The following SARNP variants were observed in gnomAD, a reference collection of about 807,000 sequenced individuals.
The protein encoded by SARNP is SAP domain-containing ribonucleoprotein.
In SARNP, 5 loss-of-function variants were observed where a neutral mutation model predicts 38.1. That is an observed-to-expected ratio of 0.13 (90% confidence interval 0.07 to 0.28). SARNP has a LOEUF of 0.28. SARNP is among the 10% of genes least tolerant of loss of function. SARNP has a pLI of 1.00. For missense variants in SARNP, 180 were observed against 243.9 expected, an observed-to-expected ratio of 0.74 and a Z score of 1.75; for synonymous variants, 84 against 80.6, an observed-to-expected ratio of 1.04 and a Z score of -0.23.
chr12:55,809,813 T>C (rs1880272460), intron 1 of SARNP, among the ~76,000 whole-genome samples: 1 of 150,788 alleles, frequency 6.6e-6, no homozygotes, highest in South Asian at 2.1e-4. Context: ...ATGTAAAAAA[T>C]AATACACACA....
chr12:55,806,362 C>T (rs1339001603), intron 1 of SARNP, among the ~76,000 whole-genome samples: 1 of 151,180 alleles, frequency 6.6e-6, no homozygotes, highest in Non-Finnish European at 1.5e-5. Context: ...GCAACCTCTG[C>T]GTTCCAGGTT....
intron 9 of SARNP, among the ~76,000 whole-genome samples, chr12:55,785,888 C>A (rs1879478823): frequency 6.6e-6 from 1 of 152,110 alleles, no homozygotes; most frequent in African/African-American, 2.4e-5. Flanking sequence ...GTCCTCCCAC[C>A]TCAGCCTCCC....
At chr12:55,758,962 G>T (rs2950167) in intron 10 of SARNP, among the ~76,000 whole-genome samples, 150,499 of 150,500 alleles carry the variant, frequency 1, 75,249 homozygotes, top group Non-Finnish European at 1. Context: ...TGGAGTACAG[G>T]GGTGCCATCT....
At chr12:55,772,168 G>T (rs540964136) in intron 9 of SARNP, among the ~76,000 whole-genome samples, 1 of 152,078 alleles carries the variant, frequency 6.6e-6, no homozygotes, top group Non-Finnish European at 1.5e-5. Flanking sequence ...CAAGTACACC[G>T]CCTTAGCAAA....
chr12:55,806,158 A>C (rs1880134522), intron 1 of SARNP, among the ~76,000 whole-genome samples: 1 of 152,000 alleles, frequency 6.6e-6, no homozygotes, highest in Non-Finnish European at 1.5e-5. Context: ...CAGTTTTACT[A>C]CTTGTAACCT....
chr12:55,800,542 T>A lies in SARNP; in HGVS notation c.251+20A>T, dbSNP rs778729781. The A allele has an allele frequency of 3.9e-6, 6 of 1,527,432 alleles. No homozygotes were observed. In the Admixed American group the frequency reaches 1.1e-4, roughly 27 times the overall value. 94.6% of individuals were successfully genotyped at this position (1,527,432 alleles called of 1,614,324 possible). On this transcript the variant is annotated intron_variant, in intron 4 of 10. Transcript: ENST00000336133. ...AGAGCTGCCTGCTCTGTACTCAGATTATAAAAAAGGGATAATTACACATCA... is the reference window on the plus strand; with the variant it reads ...AGAGCTGCCTGCTCTGTACTCAGATAATAAAAAAGGGATAATTACACATCA...
At chr12:55,805,070 T>C (rs572783063) in intron 1 of SARNP, among the ~76,000 whole-genome samples, 1 of 151,260 alleles carries the variant, frequency 6.6e-6, no homozygotes, top group South Asian at 2.1e-4. Flanking sequence ...GAGACCATCC[T>C]GGCTAACACA....
chr12:55,790,433 T>G, intron 8 of SARNP, 134 bp downstream of exon 8: 1 of 995,822 alleles, frequency 1.0e-6, no homozygotes, highest in Non-Finnish European at 1.4e-6. Flanking sequence ...ATTCAAGACA[T>G]ACAACATTGT....
chr12:55,763,324 TC>T (rs200816343), intron 9 of SARNP, among the ~76,000 whole-genome samples: 2 of 148,518 alleles, frequency 1.3e-5, no homozygotes, highest in African/African-American at 4.9e-5. Context: ...TTTTTTTTTT[TC>T]CCCAGAGACA....
chr12:55,782,210 CA>C (rs1879359824), intron 9 of SARNP, among the ~76,000 whole-genome samples: 1 of 152,138 alleles, frequency 6.6e-6, no homozygotes, highest in African/African-American at 2.4e-5. Flanking sequence ...GTACTAAGGT[CA>C]ATAAGGATAT....
At chr12:55,783,184 C>A (rs1879389012) in intron 9 of SARNP, among the ~76,000 whole-genome samples, 1 of 151,990 alleles carries the variant, frequency 6.6e-6, no homozygotes, top group African/African-American at 2.4e-5. Flanking sequence ...AACACTACTC[C>A]TCTTGGGAGG....
At chr12:55,802,779 TA>T (rs1880019386) in intron 2 of SARNP, among the ~76,000 whole-genome samples, 1 of 151,574 alleles carries the variant, frequency 6.6e-6, no homozygotes, top group African/African-American at 2.4e-5. Context: ...GTATCACTTA[TA>T]GTAGCAGAGG....
intron 9 of SARNP, among the ~76,000 whole-genome samples, chr12:55,781,836 G>A (rs1016199275): frequency 3.3e-5 from 5 of 151,918 alleles, no homozygotes; most frequent in South Asian, 2.1e-4. Context: ...CCTTCCCCTC[G>A]GCCTTTCAAG....
At chr12:55,781,813 G>T (rs1383127560) in intron 9 of SARNP, among the ~76,000 whole-genome samples, 1 of 152,100 alleles carries the variant, frequency 6.6e-6, no homozygotes, top group East Asian at 1.9e-4. Context: ...TGACCTCCTG[G>T]ACTCAAGCAA....
chr12:55,787,366 A>G (rs1879530454), intron 9 of SARNP, among the ~76,000 whole-genome samples: 1 of 152,114 alleles, frequency 6.6e-6, no homozygotes, highest in African/African-American at 2.4e-5. Flanking sequence ...AAAATATATA[A>G]CCAATGTCAG....
intron 5 of SARNP, 36 bp downstream of exon 5, chr12:55,795,989 T>C (rs771472769): frequency 2.8e-6 from 4 of 1,422,646 alleles, no homozygotes; most frequent in East Asian, 4.6e-5. Flanking sequence ...GAGAGAGAAA[T>C]GTAGAGACTG....
rs1879814815 is a variant in SARNP, at chr12:55,796,153, C to T, written c.252-77G>A. 16 of 1,021,330 alleles carry T rather than the reference C, an allele frequency of 1.6e-5. No homozygotes were observed. The Admixed American group carries it at 2.7e-4, about 17-fold the overall frequency. The allele number at this position is 1,021,330 out of a possible 1,614,324, so 63.3% of individuals were successfully genotyped here. ...AACCTCAGAAATGTGTAAGAATTCACCTGAGTCACCATTCTCTGCCCTATT... is the reference window on the plus strand; with the variant it reads ...AACCTCAGAAATGTGTAAGAATTCATCTGAGTCACCATTCTCTGCCCTATT... On this transcript the variant is annotated intron_variant, in intron 4 of 10. Transcript: ENST00000336133.
intron 1 of SARNP, among the ~76,000 whole-genome samples, chr12:55,809,188 A>T (rs924741225): frequency 6.6e-6 from 1 of 152,066 alleles, no homozygotes; most frequent in African/African-American, 2.4e-5. Context: ...CCTGGGTAAC[A>T]AAGGGAGACC....
downstream of SARNP, chr12:55,757,216 A>T (rs1878533574): frequency 4.1e-6 from 1 of 241,480 alleles, no homozygotes; most frequent in Non-Finnish European, 8.0e-6. Context: ...AGCTCCCCTT[A>T]TCTGGTCTAA....
Sources: gnomAD v4.1 joint callset for allele counts (sites outside exome capture counted in the v4.1 genomes callset) on GRCh38, gnomAD v4.1.1 for gene constraint, MANE v1.5 for transcripts, NCBI Gene and HGNC (gene_info 2026-07-23, HGNC 2026-07-21) for gene names.